The following CNST variants were observed in gnomAD, a reference collection of about 807,000 sequenced individuals.
The protein encoded by CNST is consortin.
CNST carries 39 observed loss-of-function variants against 72.4 expected under a neutral mutation model. The observed-to-expected ratio is 0.54, with a 90% CI of 0.42 to 0.70. The LOEUF (loss-of-function observed/expected upper bound fraction) is 0.70, where lower values mean the gene tolerates loss of function less well. Among genes scored for constraint, CNST ranks in the 30% least tolerant of loss-of-function variants. The pLI, the probability that CNST is intolerant of heterozygous loss-of-function variation, is 0.00. For synonymous variants in CNST, 332 were observed against 320.1 expected, an observed-to-expected ratio of 1.04 and a Z score of -0.40; for missense variants, 871 against 868.5, an observed-to-expected ratio of 1.00 and a Z score of -0.04.
At position 246,642,007 on chromosome 1, in the gene CNST, A is replaced by G; in HGVS notation, c.907A>G (p.Lys303Glu). Residue 303 changes from lysine (K) to glutamate (E), a missense_variant, in exon 8 of 11, where the codon AAG becomes GAG. Coordinates refer to ENST00000366513, the MANE Select transcript of CNST (RefSeq NM_152609.3). ...GCAGTTACTAGTGTCTGAAGATCCA[A>G]AGGAAGGAGGAGCTACCACCAAAGA... ...STQLLVSEDP[K>E]EGGATTKESE... 1.2e-6 allele frequency: 2 copies of G among 1,612,064 alleles called. No individual in the cohort carries two copies. Among genetic ancestry groups the G allele is most frequent in the South Asian group, 1.1e-5 (1 of 90,850 alleles).
At chr1:246,652,276 T>A (rs931080816) in intron 9 of CNST, among the ~76,000 whole-genome samples, 1 of 152,176 alleles carries the variant, frequency 6.6e-6, no homozygotes, top group Non-Finnish European at 1.5e-5. Flanking sequence ...AGGGAGCTCC[T>A]AGCATCCAAA....
At chr1:246,652,708 G>A (rs1666516640) in intron 9 of CNST, among the ~76,000 whole-genome samples, 1 of 152,044 alleles carries the variant, frequency 6.6e-6, no homozygotes. Flanking sequence ...TGGGTCTTTA[G>A]AAAGCTTTTA....
At chr1:246,607,199 G>A (rs1662913304) in intron 2 of CNST, 1 of 151,842 alleles carries the variant, frequency 6.6e-6, no homozygotes. Flanking sequence ...TAAGTGTCCA[G>A]GTCGACGGGC....
rs74163469 is a variant in CNST, at chr1:246,642,133, G to GTTTTTTTTTTTTTTTTT, written c.937+101_937+117dup. On this transcript the variant is annotated intron_variant, in intron 8 of 10. Transcript: ENST00000366513. The stretch of plus-strand genomic sequence containing the variant: ...CATCTGAATTGCTGCAAAGGATCTG[G>GTTTTTTTTTTTTTTTTT]TTTTTTTTTTTTTTTTTTTTTGCAC... The GTTTTTTTTTTTTTTTTT allele has an allele frequency of 5.5e-5, 10 of 180,372 alleles. 2 individuals carry two copies. Among genetic ancestry groups the GTTTTTTTTTTTTTTTTT allele is most frequent in the African/African-American group, 4.5e-4 (10 of 22,234 alleles). The allele number at this position is 180,372 out of a possible 1,614,324, so 11.2% of individuals were successfully genotyped here.
intron 1 of CNST, among the ~76,000 whole-genome samples, chr1:246,584,869 T>C (rs1466260890): frequency 1.3e-5 from 2 of 152,254 alleles, no homozygotes; most frequent in Non-Finnish European, 2.9e-5. Flanking sequence ...GTTTTCTTTT[T>C]TAAATCAAGA....
chr1:246,570,915 C>T (rs561661326), intron 1 of CNST, among the ~76,000 whole-genome samples: 48 of 152,272 alleles, frequency 3.2e-4, no homozygotes, highest in African/African-American at 1.1e-3. Context: ...GAAATTCTAA[C>T]TTAATATATG....
intron 1 of CNST, among the ~76,000 whole-genome samples, chr1:246,585,682 CACACACACACACACACACACA>C (rs1661116675): frequency 7.6e-6 from 1 of 131,550 alleles, no homozygotes; most frequent in Non-Finnish European, 1.6e-5. Flanking sequence ...CACACACACA[CACACACACACACACACACACA>C]CACACACACT....
In CNST at chr1:246,666,021, A is replaced by T. The variant is rs2103181950; in HGVS notation, c.*116A>T. ...CCCTTCCCTCTGTTAGGAACCAAGG[A>T]CATCAGAAATAGCAACTTTAAGTGG... On this transcript the variant is annotated 3_prime_UTR_variant, in exon 11 of 11. Transcript: ENST00000366513. The T allele has an allele frequency of 5.5e-6, 4 of 725,190 alleles. No individual in the cohort carries two copies. Among genetic ancestry groups the T allele is most frequent in the Non-Finnish European group, 8.9e-6 (4 of 447,232 alleles). 44.9% of individuals were successfully genotyped at this position (725,190 alleles called of 1,614,324 possible).
At chr1:246,572,209 A>G (rs1660108454) in intron 1 of CNST, among the ~76,000 whole-genome samples, 2 of 152,228 alleles carry the variant, frequency 1.3e-5, no homozygotes, top group Admixed American at 6.5e-5. Flanking sequence ...TCTGCACTCC[A>G]GCCTGGGTGA....
At chr1:246,583,539 A>T (rs748811379) in intron 1 of CNST, among the ~76,000 whole-genome samples, 5 of 152,188 alleles carry the variant, frequency 3.3e-5, no homozygotes, top group Non-Finnish European at 5.9e-5. Flanking sequence ...TCCTCAGGGC[A>T]TGTTGTGTCT....
At chr1:246,634,664 C>T in intron 6 of CNST, 77 bp downstream of exon 6, 1 of 775,414 alleles carries the variant, frequency 1.3e-6, no homozygotes, top group Non-Finnish European at 2.1e-6. Flanking sequence ...GTATCCATTT[C>T]TTTGTTTTAT....
chr1:246,574,804 G>T (rs1660289571), intron 1 of CNST, among the ~76,000 whole-genome samples: 1 of 150,428 alleles, frequency 6.6e-6, no homozygotes, highest in Admixed American at 6.7e-5. Context: ...GTTGGTTATT[G>T]CATGTCCTTC....
chr1:246,609,503 G>C (rs1663158295), intron 2 of CNST, among the ~76,000 whole-genome samples: 1 of 152,122 alleles, frequency 6.6e-6, no homozygotes, highest in Admixed American at 6.5e-5. Context: ...CTTGAACCTG[G>C]GAGGCAGAGG....
chr1:246,589,882 T>C (rs563159443), intron 1 of CNST, among the ~76,000 whole-genome samples: 51 of 152,332 alleles, frequency 3.3e-4, no homozygotes, highest in African/African-American at 1.1e-3. Context: ...TGAGCATTTT[T>C]TCATGTGTGT....
chr1:246,603,698 A>G (rs952421249), intron 2 of CNST, among the ~76,000 whole-genome samples: 1 of 152,218 alleles, frequency 6.6e-6, no homozygotes, highest in African/African-American at 2.4e-5. Flanking sequence ...GAAAGAGGAC[A>G]TATGTGTGAA....
chr1:246,645,424 C>CTTTGTTT (rs1665984081), intron 8 of CNST, among the ~76,000 whole-genome samples: 1 of 106,106 alleles, frequency 9.4e-6, no homozygotes. Flanking sequence ...AAGGTTAAAA[C>CTTTGTTT]TTTTTTTTTT....
intron 8 of CNST, 123 bp from the exon 9 acceptor site, chr1:246,647,016 C>T: frequency 1.1e-6 from 1 of 870,852 alleles, no homozygotes; most frequent in Non-Finnish European, 1.7e-6. Flanking sequence ...ATGCAACAGA[C>T]AGAATTTCCA....
At position 246,636,570 on chromosome 1, in the gene CNST, G is replaced by T. The variant is rs565998820; in HGVS notation, c.818+1983G>T. ...GTGTAAAGGGATGGAAATACCACGGGTGATTTTCAGGGGTAGTTGTTGGTT... is the reference window on the plus strand; with the variant it reads ...GTGTAAAGGGATGGAAATACCACGGTTGATTTTCAGGGGTAGTTGTTGGTT... On this transcript the variant is annotated intron_variant, in intron 6 of 10. Transcript: ENST00000366513. Among the ~76,000 whole-genome samples the T allele has an allele frequency of 2.2e-4, 34 of 152,318 alleles. 2 individuals are homozygous for T. The East Asian group carries it at 3.1e-3, about 14-fold the overall frequency.
chr1:246,637,429 G>C (rs1451216681), intron 6 of CNST, among the ~76,000 whole-genome samples: 1 of 152,236 alleles, frequency 6.6e-6, no homozygotes, highest in African/African-American at 2.4e-5. Flanking sequence ...GACCATGTCT[G>C]GATTAAGGAG....
Sources: allele counts gnomAD v4.1 joint callset (sites outside exome capture counted in the v4.1 genomes callset), GRCh38; gene constraint gnomAD v4.1.1; transcripts MANE v1.5; gene names NCBI Gene and HGNC (gene_info 2026-07-23, HGNC 2026-07-21).